SPOCK3: variants seen among roughly 807,000 people sequenced by gnomAD.
The protein encoded by SPOCK3 is SPARC (osteonectin), cwcv and kazal like domains proteoglycan 3.
In SPOCK3, 30 loss-of-function variants were observed where a neutral mutation model predicts 56.6. The observed-to-expected ratio is 0.53, with a 90% confidence interval of 0.40 to 0.72. The LOEUF (loss-of-function observed/expected upper bound fraction) is 0.72. Among genes scored for constraint, SPOCK3 ranks in the 30% least tolerant of loss-of-function variants. SPOCK3 has a pLI of 0.00. For synonymous variants in SPOCK3, 196 were observed against 183.3 expected (o/e 1.07, Z -0.56); for missense variants, 527 against 530.0 (o/e 0.99, Z 0.06).
intron 4 of SPOCK3, among the ~76,000 whole-genome samples, chr4:166,944,998 CAT>C (rs939781753): frequency 1.3e-5 from 2 of 152,300 alleles, no homozygotes; most frequent in South Asian, 2.1e-4. Context: ...AATTCTTCCA[CAT>C]GTCTTGTTGC....
chr4:166,822,756 T>C (rs1255877174), intron 6 of SPOCK3, among the ~76,000 whole-genome samples: 1 of 152,060 alleles, frequency 6.6e-6, no homozygotes, highest in African/African-American at 2.4e-5. Flanking sequence ...GTTCAGTCCA[T>C]CTAGAAAAAT....
intron 6 of SPOCK3, among the ~76,000 whole-genome samples, chr4:166,796,638 T>C (rs1476816116): frequency 1.3e-5 from 2 of 152,200 alleles, no homozygotes; most frequent in African/African-American, 2.4e-5. Flanking sequence ...GTTCACAAAA[T>C]ACCAGGCATA....
At chr4:167,177,478 T>A (rs1222602943) in intron 2 of SPOCK3, among the ~76,000 whole-genome samples, 1 of 151,974 alleles carries the variant, frequency 6.6e-6, no homozygotes, top group East Asian at 1.9e-4. Context: ...CAGTGAGGGA[T>A]GTACGTGGAG....
At chr4:167,112,040 A>G (rs914717780) in intron 2 of SPOCK3, among the ~76,000 whole-genome samples, 2 of 152,122 alleles carry the variant, frequency 1.3e-5, no homozygotes, top group Non-Finnish European at 2.9e-5. Context: ...GATTACAGGC[A>G]TGAGCCAACA....
intron 6 of SPOCK3, among the ~76,000 whole-genome samples, chr4:166,853,147 T>G (rs2126880218): frequency 6.6e-6 from 1 of 152,332 alleles, no homozygotes; most frequent in South Asian, 2.1e-4. Context: ...TTTAAAATTG[T>G]ATCCATTTAG....
chr4:167,158,936 G>A (rs1167631451), intron 2 of SPOCK3, among the ~76,000 whole-genome samples: 1 of 151,956 alleles, frequency 6.6e-6, no homozygotes, highest in Non-Finnish European at 1.5e-5. Flanking sequence ...CTAGAAGGAA[G>A]GCAGAGCTAG....
At chr4:166,989,975 A>G (rs1747597100) in intron 4 of SPOCK3, among the ~76,000 whole-genome samples, 2 of 152,140 alleles carry the variant, frequency 1.3e-5, no homozygotes, top group African/African-American at 4.8e-5. Flanking sequence ...GGGAAGGGGG[A>G]AGCAGTCACA....
intron 3 of SPOCK3, among the ~76,000 whole-genome samples, chr4:167,057,221 C>T (rs944634794): frequency 1.3e-5 from 2 of 152,144 alleles, no homozygotes; most frequent in African/African-American, 2.4e-5. Flanking sequence ...AAATACTTTA[C>T]AGACAAGCAA....
At chr4:167,120,043 A>G (rs890731632) in intron 2 of SPOCK3, among the ~76,000 whole-genome samples, 2 of 152,108 alleles carry the variant, frequency 1.3e-5, no homozygotes, top group African/African-American at 2.4e-5. Flanking sequence ...GGTAGATTTT[A>G]TGTTTCTATA....
chr4:167,127,730 G>T (rs537602551), intron 2 of SPOCK3, among the ~76,000 whole-genome samples: 1 of 152,200 alleles, frequency 6.6e-6, no homozygotes, highest in African/African-American at 2.4e-5. Context: ...GCACAGCCTG[G>T]AAAATTTCTT....
chr4:166,986,520 G>T (rs1747191807), intron 4 of SPOCK3, among the ~76,000 whole-genome samples: 1 of 151,972 alleles, frequency 6.6e-6, no homozygotes, highest in Admixed American at 6.6e-5. Context: ...TCAGGATTAG[G>T]CCCCTGTGTT....
At chr4:166,763,037 C>G (rs1388042462) in intron 7 of SPOCK3, among the ~76,000 whole-genome samples, 2 of 151,596 alleles carry the variant, frequency 1.3e-5, no homozygotes, top group Non-Finnish European at 2.9e-5. Context: ...ATTACAAATG[C>G]AGATACACAA....
intron 2 of SPOCK3, among the ~76,000 whole-genome samples, chr4:167,102,200 A>T (rs1759713064): frequency 6.6e-6 from 1 of 152,116 alleles, no homozygotes; most frequent in South Asian, 2.1e-4. Context: ...TACAGGTGAC[A>T]TCTCTTTTTT....
chr4:167,034,000 A>T (rs1752508055), intron 3 of SPOCK3, among the ~76,000 whole-genome samples: 1 of 152,064 alleles, frequency 6.6e-6, no homozygotes, highest in African/African-American at 2.4e-5. Context: ...ATCCCACAGA[A>T]ATTGTATCTA....
intron 2 of SPOCK3, among the ~76,000 whole-genome samples, chr4:167,091,906 G>GA (rs1264306574): frequency 1.3e-5 from 2 of 152,166 alleles, no homozygotes; most frequent in South Asian, 2.1e-4. Flanking sequence ...GGCAGTAAGT[G>GA]AAAAAATGGA....
At chr4:166,997,221 TTAGGCGA>T (rs1748478520) in intron 4 of SPOCK3, among the ~76,000 whole-genome samples, 1 of 152,058 alleles carries the variant, frequency 6.6e-6, no homozygotes, top group African/African-American at 2.4e-5. Flanking sequence ...TGCTTAATAC[TTAGGCGA>T]TAGGCTGATA....
intron 4 of SPOCK3, among the ~76,000 whole-genome samples, chr4:166,950,818 C>T (rs1292651069): frequency 6.7e-6 from 1 of 149,234 alleles, no homozygotes; most frequent in African/African-American, 2.6e-5. Flanking sequence ...AACTGAACAA[C>T]CTGTTCCTGA....
At chr4:167,029,812 T>C (rs1203890780) in intron 3 of SPOCK3, among the ~76,000 whole-genome samples, 2 of 152,070 alleles carry the variant, frequency 1.3e-5, no homozygotes, top group East Asian at 3.9e-4. Context: ...AATATGGAAA[T>C]TATCAATGAT....
chr4:167,030,637 G>A (rs1580059540), intron 3 of SPOCK3, among the ~76,000 whole-genome samples: 1 of 152,062 alleles, frequency 6.6e-6, no homozygotes, highest in East Asian at 1.9e-4. Context: ...TCATTTTGTT[G>A]AGGACTGGCT....
Sources: allele counts gnomAD v4.1 joint callset (sites outside exome capture counted in the v4.1 genomes callset), GRCh38; gene constraint gnomAD v4.1.1; transcripts MANE v1.5; gene names NCBI Gene and HGNC (gene_info 2026-07-23, HGNC 2026-07-21).